Variants in PCSK2 observed in about 807,000 individuals in gnomAD.
PCSK2 encodes the protein neuroendocrine convertase 2.
A neutral mutation model predicts 69.7 loss-of-function variants in PCSK2; 14 were observed. That is an observed-to-expected ratio of 0.20 (90% confidence interval 0.13 to 0.31). The LOEUF (loss-of-function observed/expected upper bound fraction) is 0.31, where lower values mean the gene tolerates loss of function less well. Among genes scored for constraint, PCSK2 ranks in the 10% least tolerant of loss-of-function variants. The pLI is 1.00. For synonymous variants in PCSK2, 307 were observed against 320.7 expected, an observed-to-expected ratio of 0.96 and a Z score of 0.46; for missense variants, 544 against 842.5, an observed-to-expected ratio of 0.65 and a Z score of 4.39.
intron 5 of PCSK2, among the ~76,000 whole-genome samples, chr20:17,384,286 T>C (rs1469794436): frequency 6.6e-6 from 1 of 151,986 alleles, no homozygotes; most frequent in Non-Finnish European, 1.5e-5. Context: ...CTACATACTA[T>C]TTAAAAATAA....
At chr20:17,414,941 A>T (rs2031965340) in intron 6 of PCSK2, among the ~76,000 whole-genome samples, 1 of 152,218 alleles carries the variant, frequency 6.6e-6, no homozygotes, top group South Asian at 2.1e-4. Context: ...AAACCACATG[A>T]TTATCTCAAC....
In PCSK2 at chr20:17,426,275, C is replaced by A. The variant is rs7274371; in HGVS notation, c.621-3160C>A. Among the ~76,000 whole-genome samples the A allele has an allele frequency of 2.0e-3, 304 of 152,202 alleles. 2 individuals carry two copies. The highest frequency in any genetic ancestry group is 7.0e-3 in the African/African-American group (291 of 41,524). On this transcript the variant is annotated intron_variant, in intron 6 of 11. Coordinates refer to ENST00000262545, the MANE Select transcript of PCSK2 (RefSeq NM_002594.5). ...TTTCCCCTGCTGGCACTCATTTACT[C>A]CTTCCTGCCACCCTGTGAAGAGGTG... is the stretch of plus-strand genomic sequence containing the variant.
At position 17,453,471 on chromosome 20, in the gene PCSK2, A is replaced by C. The variant is rs770107827; in HGVS notation, c.886-271A>C. On this transcript the variant is annotated intron_variant, in intron 8 of 11. Coordinates refer to ENST00000262545, the MANE Select transcript of PCSK2 (RefSeq NM_002594.5). The surrounding 1 kb of genome is among the most constrained non-coding windows in gnomAD (Gnocchi z 4.0). ...TTTTTTAAAAAGCAGTTTATTTGTA[A>C]ATTTTAAGACAGTTCTTCCAATTTT... is the stretch of plus-strand genomic sequence containing the variant. Among the ~76,000 whole-genome samples, 1 of 152,134 alleles carries C rather than the reference A, an allele frequency of 6.6e-6. No homozygotes were observed. Among genetic ancestry groups the C allele is most frequent in the Non-Finnish European group, 1.5e-5 (1 of 68,028 alleles).
intron 2 of PCSK2, among the ~76,000 whole-genome samples, chr20:17,280,169 T>C (rs1454866953): frequency 6.6e-6 from 1 of 152,212 alleles, no homozygotes; most frequent in Non-Finnish European, 1.5e-5. Context: ...CAAAATTGAA[T>C]TGTATAGTAT....
chr20:17,402,934 G>A (rs2031674761), intron 5 of PCSK2, among the ~76,000 whole-genome samples: 1 of 151,950 alleles, frequency 6.6e-6, no homozygotes, highest in Admixed American at 6.6e-5. Context: ...TCCAGCCTGG[G>A]CGACAGAGCG....
At chr20:17,413,579 TA>T (rs2031928039) in intron 6 of PCSK2, among the ~76,000 whole-genome samples, 1 of 152,092 alleles carries the variant, frequency 6.6e-6, no homozygotes, top group Non-Finnish European at 1.5e-5. Flanking sequence ...CACACAATAA[TA>T]AGGGGAGACT....
At chr20:17,449,132 C>T (rs1420308630) in intron 8 of PCSK2, among the ~76,000 whole-genome samples, 1 of 152,162 alleles carries the variant, frequency 6.6e-6, no homozygotes, top group East Asian at 1.9e-4. Context: ...TGCCTCAAGG[C>T]TCCACTTCCC....
chr20:17,425,317 C>T (rs559868761), intron 6 of PCSK2, among the ~76,000 whole-genome samples: 8 of 152,096 alleles, frequency 5.3e-5, no homozygotes, highest in African/African-American at 1.2e-4. Flanking sequence ...CCTCAAAGTG[C>T]GCATTAAATA....
intron 2 of PCSK2, among the ~76,000 whole-genome samples, chr20:17,298,047 C>T (rs532909266): frequency 6.6e-6 from 1 of 152,242 alleles, no homozygotes; most frequent in East Asian, 1.9e-4. Flanking sequence ...TCTTTTCCTT[C>T]CTCTTACGCT....
At chr20:17,311,137 T>C (rs927991544) in intron 2 of PCSK2, among the ~76,000 whole-genome samples, 1 of 152,180 alleles carries the variant, frequency 6.6e-6, no homozygotes, top group Non-Finnish European at 1.5e-5. Context: ...GCAAACCTCC[T>C]TGGACACCCT....
At chr20:17,233,167 A>G (rs1986206930) in intron 1 of PCSK2, among the ~76,000 whole-genome samples, 1 of 152,226 alleles carries the variant, frequency 6.6e-6, no homozygotes, top group Admixed American at 6.5e-5. Flanking sequence ...TAAAGATGAC[A>G]GGATTTGGAA....
intron 2 of PCSK2, among the ~76,000 whole-genome samples, chr20:17,346,150 T>A (rs917857858): frequency 2.0e-5 from 3 of 152,168 alleles, no homozygotes; most frequent in Admixed American, 6.5e-5. Flanking sequence ...CAGAACTGGA[T>A]CATGAATCAA....
chr20:17,436,529 G>T (rs2032487693), intron 7 of PCSK2, among the ~76,000 whole-genome samples, 179 bp from the exon 8 acceptor site: 1 of 152,232 alleles, frequency 6.6e-6, no homozygotes, highest in Non-Finnish European at 1.5e-5. Context: ...GTGGGATGCA[G>T]AAAGGAGCCA....
intron 1 of PCSK2, among the ~76,000 whole-genome samples, chr20:17,249,491 C>T (rs1332111088): frequency 8.4e-6 from 1 of 118,966 alleles, no homozygotes; most frequent in Non-Finnish European, 1.6e-5. Flanking sequence ...TGGGAGAGAG[C>T]GAGACTCTGT....
intron 2 of PCSK2, among the ~76,000 whole-genome samples, chr20:17,300,537 A>T (rs997147423): frequency 6.6e-6 from 1 of 152,198 alleles, no homozygotes; most frequent in African/African-American, 2.4e-5. Flanking sequence ...CATCCCTTTT[A>T]GTTCCTTCTG....
chr20:17,392,050 C>A (rs1265905006), intron 5 of PCSK2, among the ~76,000 whole-genome samples: 2 of 152,110 alleles, frequency 1.3e-5, no homozygotes, highest in African/African-American at 4.8e-5. Flanking sequence ...TCCCAAATAT[C>A]CCCTGTCTCA....
rs111942991 is a variant in PCSK2, at chr20:17,469,283, A to G, written c.1430+3730A>G. ...TTTTATTGAGTGCCAACTGCATGCT[A>G]TGTGCTTTCATACACGTAAGCTTCA... On this transcript the variant is annotated intron_variant, in intron 11 of 11. Transcript: ENST00000262545. Among the ~76,000 whole-genome samples, 6 of 152,272 alleles carry G rather than the reference A, an allele frequency of 3.9e-5. 1 individual carries two copies. Among genetic ancestry groups the G allele is most frequent in the African/African-American group, 1.2e-4 (5 of 41,556 alleles).
At chr20:17,445,813 C>T (rs763634609) in intron 8 of PCSK2, among the ~76,000 whole-genome samples, 1 of 152,248 alleles carries the variant, frequency 6.6e-6, no homozygotes, top group Non-Finnish European at 1.5e-5. Context: ...ACTGCTGCAG[C>T]GTGGAATCTG....
intron 6 of PCSK2, among the ~76,000 whole-genome samples, chr20:17,417,769 T>C (rs2123318033): frequency 6.6e-6 from 1 of 152,320 alleles, no homozygotes; most frequent in South Asian, 2.1e-4. Flanking sequence ...TGCCTGATGT[T>C]TTCTTCAGTA....
Sources: gnomAD v4.1 joint callset for allele counts (sites outside exome capture counted in the v4.1 genomes callset) on GRCh38, gnomAD v4.1.1 for gene constraint, Gnocchi (gnomAD v3.1) non-coding constraint, MANE v1.5 for transcripts, NCBI Gene and HGNC (gene_info 2026-07-23, HGNC 2026-07-21) for gene names.